HMGA2: variants seen among roughly 807,000 people sequenced by gnomAD.
HMGA2 encodes the protein high mobility group protein HMGI-C.
In HMGA2, 8 loss-of-function variants were observed where a neutral mutation model predicts 19.1. The observed-to-expected ratio is 0.42, with a 90% CI of 0.25 to 0.76. The LOEUF is 0.76. HMGA2 is among the 30% of genes least tolerant of loss of function. The pLI is 0.28. For missense variants in HMGA2, 109 were observed against 136.3 expected, an observed-to-expected ratio of 0.80 and a Z score of 1.00; for synonymous variants, 60 against 48.8, an observed-to-expected ratio of 1.23 and a Z score of -0.96.
intron 2 of HMGA2, among the ~76,000 whole-genome samples, chr12:65,837,864 G>A (rs1040219850): frequency 6.6e-6 from 1 of 152,102 alleles, no homozygotes; most frequent in Non-Finnish European, 1.5e-5. Context: ...TAATCACTGG[G>A]ACAAACTGAT....
At chr12:65,922,119 G>A (rs1440267227) in intron 3 of HMGA2, among the ~76,000 whole-genome samples, 2 of 152,198 alleles carry the variant, frequency 1.3e-5, no homozygotes, top group African/African-American at 2.4e-5. Flanking sequence ...ATGTGGGGTT[G>A]GAGCCCCCAC....
chr12:65,915,346 T>G lies in HMGA2; in HGVS notation c.250-36037T>G. 3 of 1,350,946 alleles carry G rather than the reference T, an allele frequency of 2.2e-6. No individual in the cohort carries two copies. The South Asian group carries it at 4.5e-5, about 20-fold the overall frequency. 83.7% of individuals were successfully genotyped at this position (1,350,946 alleles called of 1,614,324 possible). ...TTCACTGCTACCCCATATGGCACCCTTGTACGAATTTGAAAAAAGTACTCA... is the reference window on the plus strand; with the variant it reads ...TTCACTGCTACCCCATATGGCACCCGTGTACGAATTTGAAAAAAGTACTCA... On this transcript the variant is annotated intron_variant, in intron 3 of 4. Coordinates refer to ENST00000403681, the MANE Select transcript of HMGA2 (RefSeq NM_003483.6).
chr12:65,935,705 G>C (rs1455323954), intron 3 of HMGA2, among the ~76,000 whole-genome samples: 1 of 152,100 alleles, frequency 6.6e-6, no homozygotes, highest in Non-Finnish European at 1.5e-5. Flanking sequence ...CTTGCTGAGA[G>C]TTATTTTTAG....
Position 65,825,380 on chromosome 12 carries a change from A to G in HMGA2, c.110A>G (p.Gln37Arg). The G allele has an allele frequency of 6.5e-7, 1 of 1,527,628 alleles. No individual in the cohort carries two copies. Among genetic ancestry groups the G allele is most frequent in the Non-Finnish European group, 8.8e-7 (1 of 1,141,120 alleles). The allele number at this position is 1,527,628 out of a possible 1,614,324, so 94.6% of individuals were successfully genotyped here. A position where few individuals can be genotyped will look rare whatever the true frequency, so the allele number is the denominator to read the frequency against. Residue 37 changes from glutamine to arginine, a missense_variant and splice_region_variant, in exon 1 of 5, where the codon CAA (glutamine) becomes CGA (arginine). Physicochemically the swap from Gln to Arg is conservative, Grantham distance 43. Coordinates refer to ENST00000403681, the MANE Select transcript of HMGA2 (RefSeq NM_003483.6). The surrounding 1 kb of genome is among the most constrained non-coding windows in gnomAD (Gnocchi z 4.4). ...CGCGGCCGCCCCAGGAAGCAGCAGC[A>G]AGTCAGTACGAGGGCGCGGTGGGGG... is the stretch of plus-strand genomic sequence containing the variant. ...RGRGRPRKQQ[Q>R]EPTGEPSPKR...
intron 3 of HMGA2, chr12:65,915,280 T>A (rs1255997916): frequency 2.0e-6 from 3 of 1,469,904 alleles, no homozygotes; most frequent in Admixed American, 2.2e-5. Context: ...GGCTTATTCT[T>A]TCTTATGTTT....
chr12:65,871,281 A>G (rs997538296), intron 3 of HMGA2, among the ~76,000 whole-genome samples: 3 of 152,172 alleles, frequency 2.0e-5, no homozygotes, highest in Admixed American at 2.0e-4. Context: ...TGGTTCACGT[A>G]TTGTCTATAC....
intron 3 of HMGA2, among the ~76,000 whole-genome samples, chr12:65,888,884 G>A (rs1189960606): frequency 3.3e-5 from 5 of 151,854 alleles, no homozygotes; most frequent in African/African-American, 1.2e-4. Flanking sequence ...TAACTCTTAT[G>A]ACAATGATGA....
At chr12:65,860,224 A>G (rs1393533073) in intron 3 of HMGA2, 1 of 233,982 alleles carries the variant, frequency 4.3e-6, no homozygotes, top group Non-Finnish European at 9.3e-6. Flanking sequence ...GAGAATATTT[A>G]CATTAAATAT....
intron 3 of HMGA2, chr12:65,881,571 A>G: frequency 1.7e-6 from 1 of 590,676 alleles, no homozygotes; most frequent in South Asian, 2.0e-5. Flanking sequence ...GGAAAGATCC[A>G]GTTATGACTG....
chr12:65,931,440 G>T (rs1875706625), intron 3 of HMGA2, among the ~76,000 whole-genome samples: 1 of 151,964 alleles, frequency 6.6e-6, no homozygotes, highest in Non-Finnish European at 1.5e-5. Context: ...GCAATCAAAT[G>T]TTGAAAGACT....
intron 3 of HMGA2, among the ~76,000 whole-genome samples, chr12:65,872,255 C>T (rs1565715989): frequency 6.6e-6 from 1 of 152,176 alleles, no homozygotes; most frequent in Admixed American, 6.5e-5. Flanking sequence ...ATATCTGACA[C>T]ATCAGCCGTG....
chr12:65,909,777 C>T (rs759601490), intron 3 of HMGA2, among the ~76,000 whole-genome samples: 34 of 152,290 alleles, frequency 2.2e-4, no homozygotes, highest in African/African-American at 7.0e-4. Flanking sequence ...CTCTGTAAAT[C>T]CATTGAACAT....
chr12:65,901,295 G>T (rs1874362157), intron 3 of HMGA2, among the ~76,000 whole-genome samples: 1 of 152,128 alleles, frequency 6.6e-6, no homozygotes, highest in Admixed American at 6.5e-5. Flanking sequence ...AATATTCTTT[G>T]GATATTCAAA....
intron 3 of HMGA2, among the ~76,000 whole-genome samples, chr12:65,908,710 T>TTAA (rs957895353): frequency 6.6e-6 from 1 of 152,236 alleles, no homozygotes; most frequent in African/African-American, 2.4e-5. Flanking sequence ...TAGATGCCTA[T>TTAA]GTTTTTAACC....
At chr12:65,866,100 C>T (rs1401625966) in intron 3 of HMGA2, among the ~76,000 whole-genome samples, 1 of 151,976 alleles carries the variant, frequency 6.6e-6, no homozygotes, top group Non-Finnish European at 1.5e-5. Flanking sequence ...GATTTACAAA[C>T]GTTGGGGAAA....
chr12:65,856,580 G>A (rs1871754178), intron 3 of HMGA2: 1 of 152,134 alleles, frequency 6.6e-6, no homozygotes. Context: ...AGTTTCTTCA[G>A]GGCTGCCATA....
chr12:65,829,371 A>G (rs557133348), intron 2 of HMGA2, among the ~76,000 whole-genome samples: 1 of 152,118 alleles, frequency 6.6e-6, no homozygotes, highest in Non-Finnish European at 1.5e-5. Flanking sequence ...TAACCTTGTT[A>G]TTTAAAAATG....
chr12:65,936,271 A>C (rs1230692036), intron 3 of HMGA2, among the ~76,000 whole-genome samples: 2 of 151,008 alleles, frequency 1.3e-5, no homozygotes, highest in Non-Finnish European at 2.9e-5. Flanking sequence ...TCCACAAATC[A>C]AGTACTTTAA....
chr12:65,843,096 C>G lies in HMGA2; in HGVS notation c.249+4527C>G, dbSNP rs912054429. 9.1e-5 allele frequency: 21 copies of G among 229,784 alleles called. No individual in the cohort carries two copies. In the East Asian group the frequency reaches 1.4e-3, roughly 15 times the overall value. 14.2% of individuals were successfully genotyped at this position (229,784 alleles called of 1,614,324 possible). ...TTAACAACAGAAGAAAAATATTTCCCTATATGAATTAATGGTTTTTATAAG... is the reference window on the plus strand; with the variant it reads ...TTAACAACAGAAGAAAAATATTTCCGTATATGAATTAATGGTTTTTATAAG... On this transcript the variant is annotated intron_variant, in intron 3 of 4. Transcript: ENST00000403681.
Sources: allele counts gnomAD v4.1 joint callset (sites outside exome capture counted in the v4.1 genomes callset), GRCh38; gene constraint gnomAD v4.1.1; non-coding constraint Gnocchi (gnomAD v3.1); transcripts MANE v1.5; gene names NCBI Gene and HGNC (gene_info 2026-07-23, HGNC 2026-07-21).